CPQ: variants seen among roughly 807,000 people sequenced by gnomAD.
The protein encoded by CPQ is Ser-Met dipeptidase.
In CPQ, 37 loss-of-function variants were observed where a neutral mutation model predicts 45.7. The observed-to-expected ratio is 0.81, with a 90% CI of 0.62 to 1.07. The LOEUF is 1.07. Ranked by LOEUF, CPQ falls within the 50% of genes least tolerant of loss-of-function variation. The pLI is 0.00. For synonymous variants in CPQ, 186 were observed against 205.8 expected, an observed-to-expected ratio of 0.90 and a Z score of 0.82; for missense variants, 537 against 572.9, an observed-to-expected ratio of 0.94 and a Z score of 0.64.
intron 3 of CPQ, among the ~76,000 whole-genome samples, chr8:96,879,234 C>T (rs1367147721): frequency 2.0e-5 from 3 of 152,026 alleles, no homozygotes; most frequent in Non-Finnish European, 2.9e-5. Flanking sequence ...TGGATTTATT[C>T]AGCAACTTTT....
chr8:97,092,200 G>A lies in CPQ; in HGVS notation c.1255+25990G>A, dbSNP rs577896626. 9.2e-5 allele frequency among the ~76,000 whole-genome samples: 14 copies of A among 152,198 alleles called. No homozygotes were observed. In the East Asian group the frequency reaches 9.7e-4, roughly 11 times the overall value. On this transcript the variant is annotated intron_variant, in intron 7 of 7. Transcript: ENST00000220763. The stretch of plus-strand genomic sequence containing the variant: ...AAAACTCCAGTAGAAAACTGTGTGC[G>A]GCATTTAGTTTTAACACCCACTACC...
intron 1 of CPQ, among the ~76,000 whole-genome samples, chr8:96,663,742 T>C (rs1340364692): frequency 6.6e-6 from 1 of 152,098 alleles, no homozygotes; most frequent in African/African-American, 2.4e-5. Context: ...TGAACAAATA[T>C]TGTGTGTGTA....
chr8:97,136,771 C>T (rs1812066360), intron 7 of CPQ, among the ~76,000 whole-genome samples: 1 of 152,228 alleles, frequency 6.6e-6, no homozygotes, highest in Non-Finnish European at 1.5e-5. Flanking sequence ...GCCTTCAGAG[C>T]AGGCTCCTTC....
chr8:96,757,770 G>A (rs1357618133), intron 1 of CPQ, among the ~76,000 whole-genome samples: 4 of 151,944 alleles, frequency 2.6e-5, no homozygotes, highest in Non-Finnish European at 5.9e-5. Context: ...TTTCTTTGAG[G>A]TTTTAGAGAG....
chr8:97,023,031 G>GTATATATATACTGTATATAGTA (rs1009770775), intron 5 of CPQ, among the ~76,000 whole-genome samples: 1 of 143,636 alleles, frequency 7.0e-6, no homozygotes, highest in Admixed American at 6.9e-5. Context: ...TATATATACA[G>GTATATATATACTGTATATAGTA]TATATATACA....
At chr8:96,714,051 G>T (rs1269423213) in intron 1 of CPQ, among the ~76,000 whole-genome samples, 4 of 152,126 alleles carry the variant, frequency 2.6e-5, no homozygotes, top group African/African-American at 9.7e-5. Context: ...TGATACTGTT[G>T]TCTCACTGCT....
intron 7 of CPQ, among the ~76,000 whole-genome samples, chr8:97,093,617 G>A (rs145284507): frequency 6.6e-6 from 1 of 152,268 alleles, no homozygotes; most frequent in Non-Finnish European, 1.5e-5. Flanking sequence ...AAGTGGCATA[G>A]ATAACAGTGG....
chr8:96,948,915 A>G (rs1040367008), intron 4 of CPQ, among the ~76,000 whole-genome samples: 1 of 151,670 alleles, frequency 6.6e-6, no homozygotes, highest in African/African-American at 2.4e-5. Flanking sequence ...GTCTCTTGTG[A>G]TAGTTTTTGA....
intron 1 of CPQ, among the ~76,000 whole-genome samples, chr8:96,758,993 C>T (rs1382851143): frequency 6.6e-6 from 1 of 152,090 alleles, no homozygotes; most frequent in African/African-American, 2.4e-5. Context: ...CTGTTTTTTC[C>T]GTCAAAGGTA....
intron 4 of CPQ, among the ~76,000 whole-genome samples, chr8:96,917,672 G>T (rs1040137978): frequency 6.6e-6 from 1 of 152,206 alleles, no homozygotes; most frequent in African/African-American, 2.4e-5. Context: ...AGAACAAGAA[G>T]ATGTATGTGT....
chr8:96,652,046 T>G (rs1388434990), intron 1 of CPQ, among the ~76,000 whole-genome samples: 1 of 152,234 alleles, frequency 6.6e-6, no homozygotes, highest in African/African-American at 2.4e-5. Context: ...TTAACTATAG[T>G]CATCATGCTG....
intron 1 of CPQ, among the ~76,000 whole-genome samples, chr8:96,721,597 A>G (rs961789044): frequency 4.6e-5 from 7 of 152,022 alleles, no homozygotes; most frequent in Non-Finnish European, 1.0e-4. Context: ...TGATCTCCTT[A>G]CTTTCAGCCT....
At chr8:96,999,041 A>G (rs1165072666) in intron 5 of CPQ, among the ~76,000 whole-genome samples, 2 of 151,868 alleles carry the variant, frequency 1.3e-5, no homozygotes, top group Non-Finnish European at 2.9e-5. Context: ...AACCCTCACA[A>G]TGTCCCCATG....
At chr8:96,887,897 T>C (rs1181217519) in intron 4 of CPQ, among the ~76,000 whole-genome samples, 1 of 152,142 alleles carries the variant, frequency 6.6e-6, no homozygotes, top group East Asian at 1.9e-4. Context: ...AAAGAACAAA[T>C]TCAGTTTTAT....
At chr8:97,073,658 G>A (rs921147474) in intron 7 of CPQ, among the ~76,000 whole-genome samples, 1 of 152,162 alleles carries the variant, frequency 6.6e-6, no homozygotes, top group Non-Finnish European at 1.5e-5. Flanking sequence ...GAGACACTGA[G>A]GAGAGAGGAT....
At chr8:96,759,472 C>G (rs1457493325) in intron 1 of CPQ, among the ~76,000 whole-genome samples, 1 of 152,010 alleles carries the variant, frequency 6.6e-6, no homozygotes, top group Non-Finnish European at 1.5e-5. Context: ...CTATTCAGAC[C>G]AACTTATTTT....
intron 7 of CPQ, among the ~76,000 whole-genome samples, chr8:97,123,256 T>TAAAATAAATAAAATAAAATA (rs1811788698): frequency 7.5e-6 from 1 of 134,204 alleles, no homozygotes; most frequent in African/African-American, 2.7e-5. Flanking sequence ...AAAATAAAAA[T>TAAAATAAATAAAATAAAATA]AAAATAAAAT....
intron 5 of CPQ, among the ~76,000 whole-genome samples, chr8:97,026,964 GT>G (rs199600795): frequency 0.025 from 3,777 of 152,176 alleles, 83 homozygotes; most frequent in Non-Finnish European, 0.035. Context: ...AGAGAATTTC[GT>G]CATTTTAATA....
At chr8:97,059,112 G>A (rs1272041449) in intron 6 of CPQ, among the ~76,000 whole-genome samples, 5 of 152,136 alleles carry the variant, frequency 3.3e-5, no homozygotes, top group Non-Finnish European at 7.4e-5. Context: ...CACAAGAGGA[G>A]AATTCACTAA....
Sources: allele counts gnomAD v4.1 joint callset (sites outside exome capture counted in the v4.1 genomes callset), GRCh38; gene constraint gnomAD v4.1.1; transcripts MANE v1.5; gene names NCBI Gene and HGNC (gene_info 2026-07-23, HGNC 2026-07-21).